The following MARCHF1 variants were observed in gnomAD, a reference collection of about 807,000 sequenced individuals.
MARCHF1 encodes E3 ubiquitin-protein ligase MARCHF1.
In MARCHF1, 40 loss-of-function variants were observed where a neutral mutation model predicts 54.2. That is an observed-to-expected ratio of 0.74 (90% CI 0.57 to 0.96). The LOEUF (loss-of-function observed/expected upper bound fraction) is 0.96. Among genes scored for constraint, MARCHF1 ranks in the 40% least tolerant of loss-of-function variants. The pLI, the probability that MARCHF1 is intolerant of heterozygous loss-of-function variation, is 0.00. For synonymous variants in MARCHF1, 236 were observed against 236.3 expected (o/e 1.00, Z 0.01); for missense variants, 586 against 656.5 (o/e 0.89, Z 1.17).
intron 8 of MARCHF1, among the ~76,000 whole-genome samples, chr4:163,553,864 T>C (rs2110950480): frequency 6.6e-6 from 1 of 152,310 alleles, no homozygotes; most frequent in Non-Finnish European, 1.5e-5. Flanking sequence ...TCCCGCTGTC[T>C]CTGCCCCAGG....
At chr4:164,099,701 G>A (rs1247246397) in intron 2 of MARCHF1, among the ~76,000 whole-genome samples, 2 of 151,978 alleles carry the variant, frequency 1.3e-5, no homozygotes, top group Non-Finnish European at 2.9e-5. Flanking sequence ...AAACAAATGA[G>A]AGTTTGTCAT....
chr4:164,007,343 C>A, intron 2 of MARCHF1, among the ~76,000 whole-genome samples: 1 of 38,328 alleles, frequency 2.6e-5, no homozygotes, highest in Non-Finnish European at 4.5e-5. Flanking sequence ...GAGACTCCAT[C>A]TCAAAAAAAA....
chr4:163,537,103 T>TTTG (rs113271447), intron 9 of MARCHF1, among the ~76,000 whole-genome samples: 2,549 of 152,036 alleles, frequency 0.017, 64 homozygotes, highest in African/African-American at 0.057. Flanking sequence ...GGACACGATT[T>TTTG]TTTTCTACAA....
At chr4:164,119,601 A>T (rs1756020724) in intron 1 of MARCHF1, among the ~76,000 whole-genome samples, 1 of 151,232 alleles carries the variant, frequency 6.6e-6, no homozygotes, top group East Asian at 1.9e-4. Context: ...CATGAGCCAA[A>T]CTAATACATA....
At chr4:163,736,665 T>C (rs931584288) in intron 4 of MARCHF1, among the ~76,000 whole-genome samples, 2 of 152,082 alleles carry the variant, frequency 1.3e-5, no homozygotes, top group African/African-American at 2.4e-5. Context: ...CTAAGACATA[T>C]AGGGCTAAAG....
At chr4:164,037,371 T>A (rs1319139025) in intron 2 of MARCHF1, among the ~76,000 whole-genome samples, 1 of 152,220 alleles carries the variant, frequency 6.6e-6, no homozygotes, top group Admixed American at 6.5e-5. Context: ...TGATTACAAT[T>A]ATAGTTAATG....
intron 2 of MARCHF1, among the ~76,000 whole-genome samples, chr4:164,102,384 A>G (rs2111161015): frequency 9.4e-6 from 1 of 106,722 alleles, no homozygotes; most frequent in African/African-American, 3.4e-5. Context: ...GTTACCCTCA[A>G]AGGGAAGCCC....
chr4:164,044,672 A>C (rs1213242936), intron 2 of MARCHF1, among the ~76,000 whole-genome samples: 4 of 152,078 alleles, frequency 2.6e-5, no homozygotes, highest in Non-Finnish European at 5.9e-5. Context: ...CTTGCTTTCT[A>C]TCTTTCTCTT....
chr4:163,653,485 G>A (rs1743038947), intron 5 of MARCHF1, among the ~76,000 whole-genome samples: 1 of 151,694 alleles, frequency 6.6e-6, no homozygotes, highest in African/African-American at 2.4e-5. Context: ...AGTAGAAATG[G>A]GAGACTAGTT....
At chr4:163,643,850 A>G (rs1018412854) in intron 5 of MARCHF1, among the ~76,000 whole-genome samples, 2 of 152,172 alleles carry the variant, frequency 1.3e-5, no homozygotes, top group African/African-American at 4.8e-5. Flanking sequence ...AAAGAAAATC[A>G]CCAAAGAAAA....
chr4:163,995,454 G>A lies in MARCHF1; in HGVS notation c.-247-6745C>T, dbSNP rs1285678672. Among the ~76,000 whole-genome samples, 10 of 152,042 alleles carry A rather than the reference G, an allele frequency of 6.6e-5. No homozygotes were observed. In the East Asian group the frequency reaches 1.4e-3, roughly 21 times the overall value. On this transcript the variant is annotated intron_variant, in intron 2 of 9. Coordinates refer to ENST00000514618, the MANE Select transcript of MARCHF1 (RefSeq NM_001394959.1). ...AACTTTCACCCTCTCCCTCCTCCTT[G>A]GAGGAGGGGTTGGGCTAAAAGTCCC...
At chr4:164,304,280 G>T (rs899503347) in intron 1 of MARCHF1, among the ~76,000 whole-genome samples, 3 of 152,196 alleles carry the variant, frequency 2.0e-5, no homozygotes, top group African/African-American at 7.2e-5. Flanking sequence ...AAACTGTGAG[G>T]CCTCTAGCAA....
chr4:164,079,046 A>G lies in MARCHF1; in HGVS notation c.-248+32542T>C, dbSNP rs1755037485. Among the ~76,000 whole-genome samples, 3 of 152,310 alleles carry G rather than the reference A, an allele frequency of 2.0e-5. No individual in the cohort carries two copies. The South Asian group carries it at 6.2e-4, about 32-fold the overall frequency. On this transcript the variant is annotated intron_variant, in intron 2 of 9. Transcript: ENST00000514618. Reference sequence around the variant, plus strand: ...CTTTACTTTGCATTTTCTTATTTTTATGAAGGTTCAGCATCTTTTTCTCCA... The same window carrying G: ...CTTTACTTTGCATTTTCTTATTTTTGTGAAGGTTCAGCATCTTTTTCTCCA...
intron 1 of MARCHF1, among the ~76,000 whole-genome samples, chr4:164,137,221 T>A (rs921224094): frequency 2.6e-5 from 4 of 152,204 alleles, no homozygotes; most frequent in African/African-American, 9.7e-5. Context: ...CTATCTTATG[T>A]TAATTCTGAA....
At chr4:164,363,287 A>G (rs1229340358) in intron 1 of MARCHF1, among the ~76,000 whole-genome samples, 1 of 152,178 alleles carries the variant, frequency 6.6e-6, no homozygotes, top group Non-Finnish European at 1.5e-5. Flanking sequence ...AAATGTGAAT[A>G]TTTCAATATT....
chr4:164,364,233 C>A (rs184939417), intron 1 of MARCHF1, among the ~76,000 whole-genome samples: 2 of 152,140 alleles, frequency 1.3e-5, no homozygotes, highest in African/African-American at 2.4e-5. Flanking sequence ...TAGACCATTT[C>A]ATTTGGATTA....
intron 1 of MARCHF1, among the ~76,000 whole-genome samples, chr4:164,235,964 A>G (rs148772868): frequency 2.0e-5 from 3 of 152,182 alleles, no homozygotes; most frequent in African/African-American, 7.2e-5. Context: ...CCTTTTACAC[A>G]AGGAGAGGCC....
At chr4:164,102,157 T>C (rs562625092) in intron 2 of MARCHF1, among the ~76,000 whole-genome samples, 2,667 of 104,050 alleles carry the variant, frequency 0.026, 28 homozygotes, top group Middle Eastern at 0.12. Flanking sequence ...CTGAAAGTGA[T>C]GGGGAGAATG....
chr4:163,860,778 G>C (rs562761019), intron 3 of MARCHF1, among the ~76,000 whole-genome samples: 1 of 152,270 alleles, frequency 6.6e-6, no homozygotes, highest in Non-Finnish European at 1.5e-5. Flanking sequence ...CAACAGGATA[G>C]ACAAATAGTA....
Sources: allele counts gnomAD v4.1 joint callset (sites outside exome capture counted in the v4.1 genomes callset), GRCh38; gene constraint gnomAD v4.1.1; transcripts MANE v1.5; gene names NCBI Gene and HGNC (gene_info 2026-07-23, HGNC 2026-07-21).